Variants in PLXNA4 observed in about 807,000 individuals in gnomAD.
PLXNA4 encodes plexin-A4.
In PLXNA4, 44 loss-of-function variants were observed where a neutral mutation model predicts 191.8. That is an observed-to-expected ratio of 0.23 (90% CI 0.18 to 0.29). The LOEUF is 0.29. Among genes scored for constraint, PLXNA4 ranks in the 10% least tolerant of loss-of-function variants. The pLI, the probability that PLXNA4 is intolerant of heterozygous loss-of-function variation, is 1.00. For missense variants in PLXNA4, 1,800 were observed against 2,488.8 expected, an observed-to-expected ratio of 0.72 and a Z score of 5.89; for synonymous variants, 1,082 against 1,009.5, an observed-to-expected ratio of 1.07 and a Z score of -1.36.
intron 1 of PLXNA4, among the ~76,000 whole-genome samples, chr7:132,558,458 C>A (rs1800894505): frequency 6.6e-6 from 1 of 152,072 alleles, no homozygotes; most frequent in South Asian, 2.1e-4. Context: ...AATAAAATAC[C>A]ATTTCACTCA....
chr7:132,218,182 G>A (rs970100227), intron 9 of PLXNA4, among the ~76,000 whole-genome samples: 3 of 152,152 alleles, frequency 2.0e-5, no homozygotes, highest in African/African-American at 7.2e-5. Context: ...TCCTGGAGAG[G>A]ACTTGATCCT....
chr7:132,276,587 C>T (rs1475189267), intron 4 of PLXNA4, among the ~76,000 whole-genome samples: 4 of 152,100 alleles, frequency 2.6e-5, no homozygotes, highest in Admixed American at 6.5e-5. Flanking sequence ...AAAGGTTTCC[C>T]CAGAAATCTG....
chr7:132,613,652 C>T (rs1021035648), intron 2 of PLXNA4, among the ~76,000 whole-genome samples: 9 of 152,112 alleles, frequency 5.9e-5, no homozygotes, highest in Admixed American at 2.0e-4. Flanking sequence ...CCAGGACAAA[C>T]GCAAAGTAGC....
intron 1 of PLXNA4, among the ~76,000 whole-genome samples, chr7:132,548,889 C>T (rs573628727): frequency 7.2e-5 from 11 of 152,134 alleles, no homozygotes; most frequent in Non-Finnish European, 1.6e-4. Context: ...TGAAAGTGAC[C>T]TCGGGTCGTC....
At chr7:132,525,250 T>C (rs1028363431) in intron 1 of PLXNA4, among the ~76,000 whole-genome samples, 2 of 152,138 alleles carry the variant, frequency 1.3e-5, no homozygotes, top group South Asian at 2.1e-4. Flanking sequence ...CAACATGGTG[T>C]CTTTTTGTTT....
At chr7:132,222,316 G>A (rs1411165761) in intron 9 of PLXNA4, among the ~76,000 whole-genome samples, 1 of 152,228 alleles carries the variant, frequency 6.6e-6, no homozygotes, top group African/African-American at 2.4e-5. Flanking sequence ...GTGTTAGTGT[G>A]GGGTGTACAT....
At chr7:132,633,797 G>A (rs2116882080) in intron 2 of PLXNA4, among the ~76,000 whole-genome samples, 1 of 152,244 alleles carries the variant, frequency 6.6e-6, no homozygotes, top group Non-Finnish European at 1.5e-5. Context: ...CCCATAGCCT[G>A]TCCGTCTTTC....
chr7:132,168,256 C>T, intron 22 of PLXNA4, 48 bp downstream of exon 22: 1 of 1,476,354 alleles, frequency 6.8e-7, no homozygotes, highest in Non-Finnish European at 9.0e-7. Context: ...CACGGTGAGC[C>T]AGGTGCATGG....
chr7:132,241,172 A>G lies in PLXNA4; in HGVS notation c.1504-6T>C, dbSNP rs1257482365. 1 of 1,607,524 alleles carries G rather than the reference A, an allele frequency of 6.2e-7. No homozygotes were observed. The highest frequency in any genetic ancestry group is 8.5e-7 in the Non-Finnish European group (1 of 1,175,360). On this transcript the variant is annotated splice_polypyrimidine_tract_variant and splice_region_variant and intron_variant, in intron 4 of 31. Coordinates refer to ENST00000321063, the MANE Select transcript of PLXNA4 (RefSeq NM_020911.2). Reference sequence around the variant, plus strand: ...TCCACAGGGACTCTGGTGAGCTAGGACAGCAGGATAGGGAGAAGGTGGTCA... The same window carrying G: ...TCCACAGGGACTCTGGTGAGCTAGGGCAGCAGGATAGGGAGAAGGTGGTCA...
chr7:132,211,710 A>C (rs958002478), intron 9 of PLXNA4, among the ~76,000 whole-genome samples: 2 of 152,244 alleles, frequency 1.3e-5, no homozygotes, highest in African/African-American at 2.4e-5. Flanking sequence ...TCATAAATCC[A>C]GAAAGCTTCT....
chr7:132,235,874 G>C (rs1162365701), intron 5 of PLXNA4, among the ~76,000 whole-genome samples: 1 of 152,212 alleles, frequency 6.6e-6, no homozygotes, highest in East Asian at 1.9e-4. Context: ...GGGTGGGCTT[G>C]TACGCTTTCC....
chr7:132,281,280 G>T (rs1490417311), intron 4 of PLXNA4, among the ~76,000 whole-genome samples: 1 of 152,084 alleles, frequency 6.6e-6, no homozygotes, highest in African/African-American at 2.4e-5. Context: ...TGCATTGTTG[G>T]CTGTGCTGAA....
chr7:132,226,638 T>C (rs2116973051), intron 7 of PLXNA4, among the ~76,000 whole-genome samples: 1 of 152,326 alleles, frequency 6.6e-6, no homozygotes, highest in Non-Finnish European at 1.5e-5. Context: ...CGCAAGAAGT[T>C]TTGCATGTAT....
Position 132,207,133 on chromosome 7 carries a change from C to T in PLXNA4, c.2299-3714G>A, listed in dbSNP as rs184366081. Among the ~76,000 whole-genome samples the T allele has an allele frequency of 3.3e-5, 5 of 152,342 alleles. No individual in the cohort carries two copies. The East Asian group carries it at 9.6e-4, about 29-fold the overall frequency. On this transcript the variant is annotated intron_variant, in intron 10 of 31. Transcript: ENST00000321063. ...ATTTGGGCAAACAAATCTCAACAAC[C>T]TAATGCCACACAAGAAGCTGGTATG...
chr7:132,395,600 G>C (rs1220774312), intron 3 of PLXNA4, among the ~76,000 whole-genome samples: 2 of 152,248 alleles, frequency 1.3e-5, no homozygotes, highest in East Asian at 3.9e-4. Flanking sequence ...AGAACCAGGG[G>C]GAAGCAGCAG....
intron 2 of PLXNA4, among the ~76,000 whole-genome samples, chr7:132,627,475 G>A (rs545871208): frequency 6.6e-6 from 1 of 151,956 alleles, no homozygotes; most frequent in African/African-American, 2.4e-5. Context: ...GTTTTCCAAG[G>A]TTGTCTTATT....
intron 1 of PLXNA4, among the ~76,000 whole-genome samples, chr7:132,530,405 C>G (rs1032568657): frequency 2.0e-5 from 3 of 152,158 alleles, no homozygotes; most frequent in Non-Finnish European, 4.4e-5. Flanking sequence ...TTCTACAACT[C>G]AACAACAAAC....
At chr7:132,492,545 A>G (rs1797849665) in intron 2 of PLXNA4, among the ~76,000 whole-genome samples, 1 of 152,168 alleles carries the variant, frequency 6.6e-6, no homozygotes, top group African/African-American at 2.4e-5. Context: ...GCCCCAAGTG[A>G]TAAAGGTGCC....
chr7:132,169,153 A>G (rs2116669866), intron 21 of PLXNA4, among the ~76,000 whole-genome samples: 1 of 152,330 alleles, frequency 6.6e-6, no homozygotes, highest in Middle Eastern at 3.4e-3. Flanking sequence ...TCCACATGAT[A>G]AAAAGGGAAG....
Sources: gnomAD v4.1 joint callset for allele counts (sites outside exome capture counted in the v4.1 genomes callset) on GRCh38, gnomAD v4.1.1 for gene constraint, MANE v1.5 for transcripts, NCBI Gene and HGNC (gene_info 2026-07-23, HGNC 2026-07-21) for gene names.